Variants in TPTE observed in about 807,000 individuals in gnomAD.
TPTE encodes the protein transmembrane phosphatase with tensin homology.
TPTE carries 59 observed loss-of-function variants against 84.1 expected under a neutral mutation model. The ratio of observed to expected loss-of-function variants is 0.70; its 90% confidence interval spans 0.57 to 0.87. The LOEUF (loss-of-function observed/expected upper bound fraction) is 0.87, where lower values mean the gene tolerates loss of function less well. Ranked by LOEUF, TPTE falls within the 40% of genes least tolerant of loss-of-function variation. The probability of loss-of-function intolerance (pLI) is 0.00; values close to 1 mark genes in which losing one functional copy is unlikely to be tolerated. For synonymous variants in TPTE, 130 were observed against 223.5 expected (o/e 0.58, Z 3.73); for missense variants, 382 against 659.6 (o/e 0.58, Z 4.61).
intron 22 of TPTE, 26 bp from the exon 23 acceptor site, chr21:10,603,536 A>G: frequency 6.3e-7 from 1 of 1,599,662 alleles, no homozygotes; most frequent in Non-Finnish European, 8.5e-7. Flanking sequence ...TATCAGTTTT[A>G]CTTTGAAATT....
intron 14 of TPTE, among the ~76,000 whole-genome samples, 164 bp downstream of exon 14, chr21:10,570,713 A>T (rs2075025963): frequency 6.6e-6 from 1 of 152,310 alleles, no homozygotes; most frequent in Admixed American, 6.5e-5. Flanking sequence ...GCCAGTGGTT[A>T]CAAACCACCC....
intron 7 of TPTE, among the ~76,000 whole-genome samples, chr21:10,545,716 AATAT>A (rs879872517): frequency 3.5e-4 from 53 of 152,048 alleles, no homozygotes; most frequent in Admixed American, 1.1e-3. Context: ...CTATATATGT[AATAT>A]ATATAGATAT....
At chr21:10,592,015 A>C (rs2075486447) in intron 18 of TPTE, among the ~76,000 whole-genome samples, 1 of 152,312 alleles carries the variant, frequency 6.6e-6, no homozygotes, top group Non-Finnish European at 1.5e-5. Context: ...AATACAAAAA[A>C]TTAGCTGGGC....
At chr21:10,559,725 T>C (rs2074755795) in intron 9 of TPTE, among the ~76,000 whole-genome samples, 181 bp downstream of exon 9, 1 of 152,290 alleles carries the variant, frequency 6.6e-6, no homozygotes, top group South Asian at 2.1e-4. Context: ...AATACAAAAA[T>C]TAGCCAAGCA....
chr21:10,588,189 T>G (rs2075400916), intron 17 of TPTE, among the ~76,000 whole-genome samples: 1 of 151,674 alleles, frequency 6.6e-6, no homozygotes, highest in Non-Finnish European at 1.5e-5. Context: ...ATTCCTAGTT[T>G]CTTGAGTGTT....
intron 7 of TPTE, among the ~76,000 whole-genome samples, chr21:10,547,043 C>CA: frequency 6.6e-6 from 1 of 152,310 alleles, no homozygotes; most frequent in East Asian, 1.9e-4. Context: ...GAGGAGAAGT[C>CA]AACGCATGGT....
chr21:10,522,820 C>T (rs1393153228), intron 1 of TPTE, among the ~76,000 whole-genome samples: 1 of 152,310 alleles, frequency 6.6e-6, no homozygotes, highest in African/African-American at 2.4e-5. Context: ...ATGATCAAAT[C>T]ATGGTAATTA....
intron 3 of TPTE, among the ~76,000 whole-genome samples, chr21:10,537,759 A>G (rs1375706163): frequency 1.4e-4 from 22 of 152,294 alleles, no homozygotes; most frequent in African/African-American, 5.1e-4. Context: ...AAACGATTAT[A>G]TACCATTTAT....
At chr21:10,542,956 T>A (rs2074397627) in intron 6 of TPTE, among the ~76,000 whole-genome samples, 1 of 151,262 alleles carries the variant, frequency 6.6e-6, no homozygotes, top group Non-Finnish European at 1.5e-5. Flanking sequence ...TCTAGAGTAA[T>A]AAAAGCTAAT....
At position 10,537,564 on chromosome 21, in the gene TPTE, G is replaced by C. The variant is rs180713784; in HGVS notation, c.-43-1117G>C. Among the ~76,000 whole-genome samples the C allele has an allele frequency of 1.0e-3, 156 of 152,336 alleles. No homozygotes were observed. In the East Asian group the frequency reaches 0.029, roughly 29 times the overall value. ...GTGGTGGCGGGTGCCTGTAGTCCCA[G>C]CTACTCAGGAGGCTGAGGCAGGAGA... On this transcript the variant is annotated intron_variant, in intron 3 of 23. Coordinates refer to ENST00000618007, the MANE Select transcript of TPTE (RefSeq NM_199261.4).
At chr21:10,522,455 C>A (rs1174992571) in intron 1 of TPTE, among the ~76,000 whole-genome samples, 2 of 152,304 alleles carry the variant, frequency 1.3e-5, no homozygotes, top group Non-Finnish European at 2.9e-5. Context: ...GGGGCGCGGG[C>A]GGAGGGGGGA....
chr21:10,572,456 A>G (rs2075064874), intron 14 of TPTE, among the ~76,000 whole-genome samples: 3 of 61,986 alleles, frequency 4.8e-5, no homozygotes, highest in Non-Finnish European at 9.3e-5. Flanking sequence ...TATCCAAAAA[A>G]AAAAAAAAAA....
chr21:10,593,154 A>G (rs2075518104), intron 19 of TPTE, among the ~76,000 whole-genome samples: 1 of 152,302 alleles, frequency 6.6e-6, no homozygotes, highest in African/African-American at 2.4e-5. Flanking sequence ...ACACCCCCCA[A>G]CCCCACTCTC....
At chr21:10,540,248 C>T (rs1381901055) in intron 4 of TPTE, among the ~76,000 whole-genome samples, 7 of 152,302 alleles carry the variant, frequency 4.6e-5, no homozygotes, top group Non-Finnish European at 8.8e-5. Context: ...CAAACACATA[C>T]ATACATGCAT....
At chr21:10,560,496 C>T (rs1449654187) in intron 9 of TPTE, among the ~76,000 whole-genome samples, 2 of 152,308 alleles carry the variant, frequency 1.3e-5, no homozygotes, top group Admixed American at 1.3e-4. Flanking sequence ...GTTCAAGACT[C>T]ATGTGCCCAT....
chr21:10,605,638 T>C lies in TPTE; in HGVS notation c.*86T>C. On this transcript the variant is annotated 3_prime_UTR_variant, in exon 24 of 24. Coordinates refer to ENST00000618007, the MANE Select transcript of TPTE (RefSeq NM_199261.4). ...TCATATATCCTAAATCTATCCTAAA[T>C]GTTCCTTGAAGTATTTATTTATGTT... is the stretch of plus-strand genomic sequence containing the variant. 2 of 1,594,270 alleles carry C rather than the reference T, an allele frequency of 1.3e-6. No homozygotes were observed. Among genetic ancestry groups the C allele is most frequent in the Non-Finnish European group, 1.7e-6 (2 of 1,173,290 alleles).
At chr21:10,545,733 A>T (rs2074454190) in intron 7 of TPTE, among the ~76,000 whole-genome samples, 1 of 151,860 alleles carries the variant, frequency 6.6e-6, no homozygotes, top group African/African-American at 2.4e-5. Flanking sequence ...ATAGATATAT[A>T]AATATGTATT....
intron 3 of TPTE, among the ~76,000 whole-genome samples, chr21:10,528,654 A>G (rs1045927617): frequency 1.3e-5 from 2 of 152,310 alleles, no homozygotes; most frequent in African/African-American, 4.8e-5. Context: ...TGTTTGTGTT[A>G]TACTCAGAAA....
intron 5 of TPTE, 73 bp from the exon 6 acceptor site, chr21:10,542,322 A>C (rs1451691314): frequency 6.4e-7 from 1 of 1,565,102 alleles, no homozygotes; most frequent in African/African-American, 1.4e-5. Context: ...TAGAGTAATG[A>C]AAGGTAATTT....
Sources: gnomAD v4.1 joint callset for allele counts (sites outside exome capture counted in the v4.1 genomes callset) on GRCh38, gnomAD v4.1.1 for gene constraint, MANE v1.5 for transcripts, NCBI Gene and HGNC (gene_info 2026-07-23, HGNC 2026-07-21) for gene names.